The following EPHA6 variants were observed in gnomAD, a reference collection of about 807,000 sequenced individuals.
EPHA6 encodes EPH receptor A6, also known as ephrin type-A receptor 6.
Under a neutral mutation model 112.0 loss-of-function variants are expected in EPHA6, and 50 were observed. The ratio of observed to expected loss-of-function variants is 0.45; its 90% CI spans 0.36 to 0.56. EPHA6 has a LOEUF of 0.56. EPHA6 is among the 20% of genes least tolerant of loss of function. The pLI is 0.00. For synonymous variants in EPHA6, 529 were observed against 490.7 expected (o/e 1.08, Z -1.03); for missense variants, 1,280 against 1,417.4 (o/e 0.90, Z 1.56).
chr3:97,026,613 AT>A (rs1232853232), intron 3 of EPHA6, among the ~76,000 whole-genome samples: 1 of 151,588 alleles, frequency 6.6e-6, no homozygotes. Flanking sequence ...AGACAACCCC[AT>A]AAAAAATTAG....
At chr3:97,658,072 C>CT (rs1443644053) in intron 14 of EPHA6, among the ~76,000 whole-genome samples, 3 of 151,824 alleles carry the variant, frequency 2.0e-5, no homozygotes, top group Non-Finnish European at 2.9e-5. Flanking sequence ...TCTGGTTACA[C>CT]TAAGCATACT....
chr3:96,901,013 A>T (rs1220667404), intron 2 of EPHA6, among the ~76,000 whole-genome samples: 1 of 152,204 alleles, frequency 6.6e-6, no homozygotes, highest in Non-Finnish European at 1.5e-5. Context: ...TCATGGCTAG[A>T]TAGGAAGTGG....
chr3:97,276,704 G>A (rs1157218294), intron 5 of EPHA6, among the ~76,000 whole-genome samples: 1 of 152,068 alleles, frequency 6.6e-6, no homozygotes, highest in African/African-American at 2.4e-5. Flanking sequence ...AGAATAAGAC[G>A]GCCTTTTGAC....
At chr3:97,425,613 T>G (rs576442416) in intron 6 of EPHA6, among the ~76,000 whole-genome samples, 5 of 152,316 alleles carry the variant, frequency 3.3e-5, no homozygotes, top group African/African-American at 9.6e-5. Flanking sequence ...GCCGGGAAGA[T>G]CTCTGACATG....
chr3:96,943,795 A>G (rs2041107190), intron 2 of EPHA6, among the ~76,000 whole-genome samples: 1 of 152,262 alleles, frequency 6.6e-6, no homozygotes, highest in East Asian at 1.9e-4. Flanking sequence ...GAGGTTGAGG[A>G]TGCAGTGAGG....
chr3:97,079,633 G>A (rs2046655414), intron 3 of EPHA6, among the ~76,000 whole-genome samples: 1 of 147,960 alleles, frequency 6.8e-6, no homozygotes, highest in Non-Finnish European at 1.5e-5. Context: ...AGCAACCACA[G>A]GGTTTGAGAG....
intron 2 of EPHA6, among the ~76,000 whole-genome samples, chr3:96,972,223 G>A (rs1044644306): frequency 6.6e-6 from 1 of 151,714 alleles, no homozygotes; most frequent in Admixed American, 6.6e-5. Flanking sequence ...ACATTTTGAA[G>A]AAAAACAATA....
intron 3 of EPHA6, among the ~76,000 whole-genome samples, chr3:97,206,485 G>T (rs2077715537): frequency 6.6e-6 from 1 of 151,808 alleles, no homozygotes; most frequent in Non-Finnish European, 1.5e-5. Context: ...TCTTTATATA[G>T]AATTTTGTGA....
chr3:97,725,014 CA>C (rs1372551266), intron 15 of EPHA6, among the ~76,000 whole-genome samples: 2 of 151,962 alleles, frequency 1.3e-5, no homozygotes, highest in Non-Finnish European at 2.9e-5. Context: ...CTTTTGATTA[CA>C]AATGAAAGAA....
At chr3:97,622,163 C>G (rs757690204) in intron 13 of EPHA6, among the ~76,000 whole-genome samples, 7 of 151,766 alleles carry the variant, frequency 4.6e-5, no homozygotes, top group Non-Finnish European at 7.4e-5. Context: ...TATCCATCTG[C>G]AGAACTCTAT....
chr3:97,400,682 T>A (rs1051722769), intron 5 of EPHA6, among the ~76,000 whole-genome samples: 1 of 151,740 alleles, frequency 6.6e-6, no homozygotes, highest in Admixed American at 6.6e-5. Context: ...TTATTTATTG[T>A]TGCAGCTATT....
At chr3:97,273,144 A>C (rs139407876) in intron 5 of EPHA6, among the ~76,000 whole-genome samples, 1,942 of 152,274 alleles carry the variant, frequency 0.013, 35 homozygotes, top group African/African-American at 0.042. Flanking sequence ...AAAACTAAAC[A>C]GAATAAGAGA....
At chr3:96,939,548 A>T (rs2040813376) in intron 2 of EPHA6, among the ~76,000 whole-genome samples, 1 of 152,092 alleles carries the variant, frequency 6.6e-6, no homozygotes, top group African/African-American at 2.4e-5. Context: ...ATCTTTTCAA[A>T]AAACCAGCTC....
At chr3:97,125,020 G>A (rs187867961) in intron 3 of EPHA6, among the ~76,000 whole-genome samples, 27 of 152,222 alleles carry the variant, frequency 1.8e-4, no homozygotes, top group African/African-American at 6.5e-4. Context: ...AAGTACAAAA[G>A]GAAGGATTTC....
chr3:96,822,523 A>G (rs2033341664), intron 1 of EPHA6, among the ~76,000 whole-genome samples: 1 of 151,840 alleles, frequency 6.6e-6, no homozygotes, highest in Non-Finnish European at 1.5e-5. Context: ...TTTACTTCGT[A>G]ACTTCAAATG....
At chr3:97,300,242 A>AGT (rs2081038432) in intron 5 of EPHA6, among the ~76,000 whole-genome samples, 1 of 152,206 alleles carries the variant, frequency 6.6e-6, no homozygotes. Context: ...AGTTGTCTTA[A>AGT]AAACAGTAAA....
intron 6 of EPHA6, among the ~76,000 whole-genome samples, chr3:97,422,339 C>A (rs2088730172): frequency 6.6e-6 from 1 of 151,980 alleles, no homozygotes; most frequent in Admixed American, 6.6e-5. Context: ...TGTATGTCAA[C>A]CTAGGTAAGA....
chr3:97,173,641 A>G (rs1211557171), intron 3 of EPHA6, among the ~76,000 whole-genome samples: 1 of 151,838 alleles, frequency 6.6e-6, no homozygotes, highest in Non-Finnish European at 1.5e-5. Context: ...CTTCTCTTTT[A>G]GGTAAGTGGA....
intron 6 of EPHA6, among the ~76,000 whole-genome samples, chr3:97,440,831 C>A (rs1037205945): frequency 6.6e-6 from 1 of 151,198 alleles, no homozygotes; most frequent in African/African-American, 2.4e-5. Flanking sequence ...ACAAGCTTAC[C>A]TAAAAATAAT....
Sources: allele counts gnomAD v4.1 joint callset (sites outside exome capture counted in the v4.1 genomes callset), GRCh38; gene constraint gnomAD v4.1.1; transcripts MANE v1.5; gene names NCBI Gene and HGNC (gene_info 2026-07-23, HGNC 2026-07-21).